TCP10L: variants seen among roughly 807,000 people sequenced by gnomAD.
TCP10L encodes t-complex 10 like.
TCP10L carries 11 observed loss-of-function variants against 19.2 expected under a neutral mutation model. The observed-to-expected ratio is 0.57, with a 90% CI of 0.36 to 0.95. TCP10L has a LOEUF of 0.95. TCP10L is among the 40% of genes least tolerant of loss of function. The pLI is 0.01. For synonymous variants in TCP10L, 96 were observed against 97.2 expected, an observed-to-expected ratio of 0.99 and a Z score of 0.07; for missense variants, 247 against 263.9, an observed-to-expected ratio of 0.94 and a Z score of 0.44.
chr21:32,582,051 G>C lies in TCP10L; in HGVS notation c.360+149C>G. 1.2e-6 allele frequency: 1 copy of C among 850,780 alleles called. No individual in the cohort carries two copies. The highest frequency in any genetic ancestry group is 1.7e-5 in the African/African-American group (1 of 58,680). 52.7% of individuals were successfully genotyped at this position (850,780 alleles called of 1,614,324 possible). ...AGTTCTTATTAATCATTACTTACGG[G>C]AAATGGAGTTGATGGAAAGATAGCA... On this transcript the variant is annotated intron_variant, in intron 3 of 4. Transcript: ENST00000300258. This position sits in a 1 kb window ranked among gnomAD's most constrained non-coding sequence, Gnocchi z 4.2.
Position 32,573,956 on chromosome 21 carries a change from A to C in TCP10L, c.*2818T>G, listed in dbSNP as rs1255990381. 1 of 152,134 alleles carries C rather than the reference A, an allele frequency of 6.6e-6. No individual in the cohort carries two copies. Among genetic ancestry groups the C allele is most frequent in the Admixed American group, 6.5e-5 (1 of 15,280 alleles). 9.4% of individuals were successfully genotyped at this position (152,134 alleles called of 1,614,324 possible). ...CATTAGCTGGATCCCCAAACAAAAT[A>C]AAATCCCAAGAAAAATGTTCCCACT... On this transcript the variant is annotated 3_prime_UTR_variant, in exon 5 of 5. Transcript: ENST00000300258.
chr21:32,578,920 C>T lies in TCP10L; in HGVS notation c.361-89G>A. 1.3e-6 allele frequency: 2 copies of T among 1,589,830 alleles called. No individual in the cohort carries two copies. The highest frequency in any genetic ancestry group is 1.9e-4 in the Middle Eastern group (1 of 5,296). On this transcript the variant is annotated intron_variant, in intron 3 of 4. Transcript: ENST00000300258. The surrounding 1 kb of genome is among the most constrained non-coding windows in gnomAD (Gnocchi z 4.2). ...TACAATGAAGAATAATTGGAATGTC[C>T]TAGAAAAAAATAGGGTACAAGGTAG... is the stretch of plus-strand genomic sequence containing the variant.
At chr21:32,584,644 G>A (rs1189066135) in intron 1 of TCP10L, among the ~76,000 whole-genome samples, 1 of 152,180 alleles carries the variant, frequency 6.6e-6, no homozygotes, top group Non-Finnish European at 1.5e-5. Flanking sequence ...TGGGTTGTGA[G>A]CAGGATATGA....
At chr21:32,584,670 A>G (rs927098265) in intron 1 of TCP10L, among the ~76,000 whole-genome samples, 1 of 151,998 alleles carries the variant, frequency 6.6e-6, no homozygotes, top group Non-Finnish European at 1.5e-5. Context: ...ATGTGAATGG[A>G]TGTGAGCGGA....
In TCP10L at chr21:32,578,444, G is replaced by T. The variant is rs571234659; in HGVS notation, c.498+250C>A. Among the ~76,000 whole-genome samples the T allele has an allele frequency of 2.6e-5, 4 of 152,376 alleles. No homozygotes were observed. The highest frequency in any genetic ancestry group is 9.6e-5 in the African/African-American group (4 of 41,598). ...CAAGTCCCCTCGGCCCCAGCCAGAC[G>T]CTTGCTGCTGTGAGTGTACTCAGAG... is the stretch of plus-strand genomic sequence containing the variant. On this transcript the variant is annotated intron_variant, in intron 4 of 4. Transcript: ENST00000300258. This position sits in a 1 kb window ranked among gnomAD's most constrained non-coding sequence, Gnocchi z 4.2.
rs979316770 is a variant in TCP10L at position 32,582,514 on chromosome 21, C to T, written c.145-99G>A. The T allele has an allele frequency of 2.1e-5, 23 of 1,110,156 alleles. No homozygotes were observed. Among genetic ancestry groups the T allele is most frequent in the Non-Finnish European group, 3.0e-5 (23 of 773,560 alleles). 68.8% of individuals were successfully genotyped at this position (1,110,156 alleles called of 1,614,324 possible). On this transcript the variant is annotated intron_variant, in intron 2 of 4. Coordinates refer to ENST00000300258, the MANE Select transcript of TCP10L (RefSeq NM_144659.7). The surrounding 1 kb of genome is among the most constrained non-coding windows in gnomAD (Gnocchi z 4.2). ...AGCCCTCTCTGATGTAAGACCAACA[C>T]TATTTCTGGAATAAAAGACACCCGA...
chr21:32,582,072 T>C lies in TCP10L; in HGVS notation c.360+128A>G, dbSNP rs1168083606. The C allele has an allele frequency of 8.5e-6, 9 of 1,059,156 alleles. No homozygotes were observed. Among genetic ancestry groups the C allele is most frequent in the African/African-American group, 1.6e-5 (1 of 62,774 alleles). The allele number at this position is 1,059,156 out of a possible 1,614,324, so 65.6% of individuals were successfully genotyped here. A position where few individuals can be genotyped will look rare whatever the true frequency, so the allele number is the denominator to read the frequency against. On this transcript the variant is annotated intron_variant, in intron 3 of 4. Transcript: ENST00000300258. This position sits in a 1 kb window ranked among gnomAD's most constrained non-coding sequence, Gnocchi z 4.2. ...ACGGGAAATGGAGTTGATGGAAAGA[T>C]AGCAACCCCTCCCACCACCCGGAGC...
At position 32,578,714 on chromosome 21, in the gene TCP10L, T is replaced by C. The variant is rs775612976; in HGVS notation, c.478A>G (p.Asn160Asp). 2.5e-6 allele frequency: 4 copies of C among 1,614,108 alleles called. No homozygotes were observed. Among genetic ancestry groups the C allele is most frequent in the Non-Finnish European group, 3.4e-6 (4 of 1,180,014 alleles). The change falls in exon 4 of 5, where the codon AAC becomes GAC. Residue 160 changes from asparagine to aspartate, a missense_variant. By Grantham distance (23) the Asn-to-Asp change is conservative (BLOSUM62 1). Coordinates refer to ENST00000300258, the MANE Select transcript of TCP10L (RefSeq NM_144659.7). This position sits in a 1 kb window ranked among gnomAD's most constrained non-coding sequence, Gnocchi z 4.2. The stretch of plus-strand genomic sequence containing the variant: ...GTCACCTTTGGAGGAGCTGAATTGT[T>C]AGATGACGATCTTTGTCCCAGGAGA... ...ATLLGQRSSSNNSAPPKPMSL... is the reference protein window; with the variant it reads ...ATLLGQRSSSDNSAPPKPMSL...
chr21:32,583,024 C>CTTTTTTTTTT (rs59972145), intron 2 of TCP10L, among the ~76,000 whole-genome samples: 3 of 94,814 alleles, frequency 3.2e-5, no homozygotes, highest in Non-Finnish European at 4.1e-5. Flanking sequence ...CATTCTTTTC[C>CTTTTTTTTTT]TTTTTTTTTT....
Position 32,584,313 on chromosome 21 carries a change from G to A in TCP10L, c.-1-8C>T, listed in dbSNP as rs773221154. 9 of 1,612,302 alleles carry A rather than the reference G, an allele frequency of 5.6e-6. No individual in the cohort carries two copies. The East Asian group carries it at 1.3e-4, about 24-fold the overall frequency. On this transcript the variant is annotated splice_region_variant and splice_polypyrimidine_tract_variant and intron_variant, in intron 1 of 4. Transcript: ENST00000300258. ...AGTTGACCTGCCAGCATCCTGGTTGGGAAGGGAAGGGCTATGGGGACACTT... is the reference window on the plus strand; with the variant it reads ...AGTTGACCTGCCAGCATCCTGGTTGAGAAGGGAAGGGCTATGGGGACACTT...
chr21:32,576,509 C>A lies in TCP10L; in HGVS notation c.*265G>T, dbSNP rs2038435424. On this transcript the variant is annotated 3_prime_UTR_variant, in exon 5 of 5. Coordinates refer to ENST00000300258, the MANE Select transcript of TCP10L (RefSeq NM_144659.7). ...TGGGTTAATTTTTTTAAAGACTCTG[C>A]AGAAATATACCAACTACAGAGCTCA... 9.9e-6 allele frequency: 6 copies of A among 605,654 alleles called. No homozygotes were observed. The highest frequency in any genetic ancestry group is 3.1e-5 in the Admixed American group (1 of 31,764). The allele number at this position is 605,654 out of a possible 1,614,324, so 37.5% of individuals were successfully genotyped here. A position where few individuals can be genotyped will look rare whatever the true frequency, so the allele number is the denominator to read the frequency against.
rs2038428199 is a variant in TCP10L, at chr21:32,575,935, G to A, written c.*839C>T. ...CCCAGCCACACGCCTTCTGCTGGGAGTGTGCTCAGAGGGAAGTGACCGCTA... is the reference window on the plus strand; with the variant it reads ...CCCAGCCACACGCCTTCTGCTGGGAATGTGCTCAGAGGGAAGTGACCGCTA... On this transcript the variant is annotated 3_prime_UTR_variant, in exon 5 of 5. Transcript: ENST00000300258. 2.0e-5 allele frequency: 4 copies of A among 199,988 alleles called. No homozygotes were observed. In the South Asian group the frequency reaches 5.3e-4, roughly 26 times the overall value. The allele number at this position is 199,988 out of a possible 1,614,324, so 12.4% of individuals were successfully genotyped here. A position where few individuals can be genotyped will look rare whatever the true frequency, so the allele number is the denominator to read the frequency against.
chr21:32,584,347 C>T (rs1343015804), intron 1 of TCP10L, 42 bp from the exon 2 acceptor site: 1 of 1,584,974 alleles, frequency 6.3e-7, no homozygotes, highest in Non-Finnish European at 8.6e-7. Flanking sequence ...TTGAATGCAG[C>T]CCTCCTACCC....
chr21:32,581,259 G>C (rs2038491320), intron 3 of TCP10L, among the ~76,000 whole-genome samples: 1 of 152,128 alleles, frequency 6.6e-6, no homozygotes, highest in African/African-American at 2.4e-5. Context: ...ACTCCCAAGG[G>C]GAAAACTGCC....
Position 32,578,752 on chromosome 21 carries a change from T to G in TCP10L, c.440A>C (p.Asn147Thr), listed in dbSNP as rs1392953951. The G allele has an allele frequency of 1.2e-6, 2 of 1,614,244 alleles. No individual in the cohort carries two copies. Among genetic ancestry groups the G allele is most frequent in the Non-Finnish European group, 1.7e-6 (2 of 1,180,050 alleles). ...TTGTCCCAGGAGAGTGGCACTCTGA[T>G]TCTTGTGGCCAGCGTATTTGGGTAT... is the stretch of plus-strand genomic sequence containing the variant. ...ETIPKYAGHK[N>T]QSATLLGQRS... is the part of the protein sequence containing the mutation. Residue 147 changes from asparagine to threonine, a missense_variant, in exon 4 of 5, where the codon AAT becomes ACT. Physicochemically the swap from Asn to Thr is moderately conservative, Grantham distance 65. Coordinates refer to ENST00000300258, the MANE Select transcript of TCP10L (RefSeq NM_144659.7). This position sits in a 1 kb window ranked among gnomAD's most constrained non-coding sequence, Gnocchi z 4.2.
intron 2 of TCP10L, 132 bp downstream of exon 2, chr21:32,584,029 A>T: frequency 8.1e-7 from 1 of 1,239,090 alleles, no homozygotes; most frequent in Non-Finnish European, 1.1e-6. Context: ...GAGAGGAAGT[A>T]CAGAATCAGT....
rs1436602153 is a variant in TCP10L at position 32,576,602 on chromosome 21, AG to A, written c.*171del. The A allele has an allele frequency of 2.7e-6, 2 of 741,028 alleles. No homozygotes were observed. Among genetic ancestry groups the A allele is most frequent in the African/African-American group, 3.6e-5 (2 of 56,104 alleles). The allele number at this position is 741,028 out of a possible 1,614,324, so 45.9% of individuals were successfully genotyped here. A position where few individuals can be genotyped will look rare whatever the true frequency, so the allele number is the denominator to read the frequency against. On this transcript the variant is annotated 3_prime_UTR_variant, in exon 5 of 5. Transcript: ENST00000300258. The stretch of plus-strand genomic sequence containing the variant: ...TTTATAGCATTAGAGACATGTCTGA[AG>A]AACTTCAAGTTTTTATCTATAGAAA...
chr21:32,580,065 C>T (rs1245078936), intron 3 of TCP10L, among the ~76,000 whole-genome samples: 3 of 152,132 alleles, frequency 2.0e-5, no homozygotes, highest in East Asian at 1.9e-4. Context: ...CAAGATTTCC[C>T]GTAATTTCTT....
Position 32,582,379 on chromosome 21 carries a change from G to A in TCP10L, c.181C>T (p.Leu61Phe). Residue 61 changes from leucine (L) to phenylalanine (F), a missense_variant, in exon 3 of 5, where the codon CTT (leucine) becomes TTT (phenylalanine). Transcript: ENST00000300258. The surrounding 1 kb of genome is among the most constrained non-coding windows in gnomAD (Gnocchi z 4.2). Reference protein sequence around the residue: ...QQQIIRLHQELGRQKSLWADV... With the variant: ...QQQIIRLHQEFGRQKSLWADV... ...GCCCACAGAGACTTCTGTCTCCCAA[G>A]CTCTTGGTGGAGTCTGATGATCTGC... The A allele has an allele frequency of 6.2e-7, 1 of 1,613,736 alleles. No individual in the cohort carries two copies. Among genetic ancestry groups the A allele is most frequent in the Non-Finnish European group, 8.5e-7 (1 of 1,179,962 alleles).
Sources: allele counts gnomAD v4.1 joint callset (sites outside exome capture counted in the v4.1 genomes callset), GRCh38; gene constraint gnomAD v4.1.1; non-coding constraint Gnocchi (gnomAD v3.1); transcripts MANE v1.5; gene names NCBI Gene and HGNC (gene_info 2026-07-23, HGNC 2026-07-21).